Variants in SLC34A3 observed in about 807,000 individuals in gnomAD.
SLC34A3 encodes solute carrier family 34 member 3, also known as sodium-dependent phosphate transport protein 2C.
A neutral mutation model predicts 43.9 loss-of-function variants in SLC34A3; 60 were observed. That is an observed-to-expected ratio of 1.37 (90% CI 1.11 to 1.70). The LOEUF is 1.70. SLC34A3 is among the 40% of genes most tolerant of loss of function. SLC34A3 has a pLI of 0.00. For synonymous variants in SLC34A3, 451 were observed against 386.2 expected, an observed-to-expected ratio of 1.17 and a Z score of -1.97; for missense variants, 969 against 823.8, an observed-to-expected ratio of 1.18 and a Z score of -2.16.
upstream of SLC34A3, among the ~76,000 whole-genome samples, chr9:137,230,585 G>C (rs1191640869): frequency 6.6e-6 from 1 of 152,226 alleles, no homozygotes; most frequent in African/African-American, 2.4e-5. Context: ...CTGCCTGGCT[G>C]GGTGGAGTGT....
chr9:137,232,813 A>G lies in SLC34A3; in HGVS notation c.334A>G (p.Asn112Asp), dbSNP rs763585199. Residue 112 changes from asparagine to aspartate, a missense_variant, in exon 5 of 13, where the codon AAC (asparagine) becomes GAC (aspartate). Asn to Asp is a conservative substitution (Grantham distance 23, BLOSUM62 1). Coordinates refer to ENST00000673835, the MANE Select transcript of SLC34A3 (RefSeq NM_001177316.2). Reference sequence around the variant, plus strand: ...AGTGGCCGGAGACATCTTCAAGGACAACGTGGTGCTGTCCAACCCTGTGGC... The same window carrying G: ...AGTGGCCGGAGACATCTTCAAGGACGACGTGGTGCTGTCCAACCCTGTGGC... ...SKVAGDIFKD[N>D]VVLSNPVAGL... The G allele has an allele frequency of 3.7e-6, 6 of 1,613,124 alleles. No individual in the cohort carries two copies. Among genetic ancestry groups the G allele is most frequent in the Admixed American group, 1.7e-5 (1 of 60,022 alleles).
Position 137,236,011 on chromosome 9 carries a change from T to C in SLC34A3, c.1395T>C (p.Pro465=), listed in dbSNP as rs189834458. The change falls in exon 13 of 13, where the codon CCT becomes CCC. Residue 465 remains proline (P), a synonymous_variant. Coordinates refer to ENST00000673835, the MANE Select transcript of SLC34A3 (RefSeq NM_001177316.2). ...GCATCCTGCTGTGGTACCTGGTGCCTGCACTGCGGCTGCCCATCCCGCTGG... is the reference window on the plus strand; with the variant it reads ...GCATCCTGCTGTGGTACCTGGTGCCCGCACTGCGGCTGCCCATCCCGCTGG... ...LAGILLWYLV[P]ALRLPIPLAR... is the part of the protein sequence containing the mutation. 10 of 1,612,626 alleles carry C rather than the reference T, an allele frequency of 6.2e-6. No individual in the cohort carries two copies. The African/African-American group carries it at 1.1e-4, about 17-fold the overall frequency.
chr9:137,231,107 C>G (rs1564414595), intron 1 of SLC34A3, 169 bp downstream of exon 1: 1 of 157,592 alleles, frequency 6.3e-6, no homozygotes, highest in Non-Finnish European at 1.4e-5. Context: ...TGGACCTGAG[C>G]CCAGGGCACT....
chr9:137,236,355 C>T lies in SLC34A3; in HGVS notation c.1739C>T (p.Ala580Val), dbSNP rs373729595. ...CPCNVCSPPK[A>V]TTKEAYCYEN... ...TGCAACGTCTGCAGCCCCCCGAAGG[C>T]CACCACCAAAGAGGCCTACTGCTAC... The change falls in exon 13 of 13, where the codon GCC becomes GTC. Residue 580 changes from alanine to valine, a missense_variant. Transcript: ENST00000673835. 5.8e-6 allele frequency: 9 copies of T among 1,540,762 alleles called. No individual in the cohort carries two copies. The highest frequency in any genetic ancestry group is 7.8e-6 in the Non-Finnish European group (9 of 1,146,792).
Position 137,234,598 on chromosome 9 carries a change from T to A in SLC34A3, c.1211-9T>A. The A allele has an allele frequency of 6.2e-7, 1 of 1,612,172 alleles. No individual in the cohort carries two copies. Among genetic ancestry groups the A allele is most frequent in the Non-Finnish European group, 8.5e-7 (1 of 1,179,746 alleles). On this transcript the variant is annotated splice_polypyrimidine_tract_variant and intron_variant, in intron 11 of 12. Coordinates refer to ENST00000673835, the MANE Select transcript of SLC34A3 (RefSeq NM_001177316.2). This position sits in a 1 kb window ranked among gnomAD's most constrained non-coding sequence, Gnocchi z 6.9. ...GCTGGGGTCCTGTGGTGACTCCCAG[T>A]TCCCCCAGGGGTCGGGGTGATCAGT...
Position 137,235,811 on chromosome 9 carries a change from C to G in SLC34A3, c.1336-141C>G, listed in dbSNP as rs916807705. ...TCCACATCTGGCCACAGCCCGCCTC[C>G]CAGACGGCCATCTCATCCGTGAAGC... On this transcript the variant is annotated intron_variant, in intron 12 of 12. Coordinates refer to ENST00000673835, the MANE Select transcript of SLC34A3 (RefSeq NM_001177316.2). 24 of 773,160 alleles carry G rather than the reference C, an allele frequency of 3.1e-5. No homozygotes were observed. In the African/African-American group the frequency reaches 3.8e-4, roughly 12 times the overall value. 47.9% of individuals were successfully genotyped at this position (773,160 alleles called of 1,614,324 possible). A position where few individuals can be genotyped will look rare whatever the true frequency, so the allele number is the denominator to read the frequency against.
chr9:137,233,779 T>TTGGGGGCCCCCCCCCC, intron 8 of SLC34A3, 57 bp downstream of exon 8: 3 of 1,445,744 alleles, frequency 2.1e-6, no homozygotes, highest in Non-Finnish European at 1.9e-6. Context: ...TGCTGAGTCA[T>TTGGGGGCCCCCCCCCC]CCCGCCCCAC....
chr9:137,233,779 T>TGGGGGGCCC, intron 8 of SLC34A3, 57 bp downstream of exon 8: 1 of 1,445,812 alleles, frequency 6.9e-7, no homozygotes, highest in Non-Finnish European at 9.6e-7. Context: ...TGCTGAGTCA[T>TGGGGGGCCC]CCCGCCCCAC....
chr9:137,236,113 GC>G lies in SLC34A3; in HGVS notation c.1501del (p.Leu501TrpfsTer66). Reference protein sequence around the residue: ...VYLLLGFLLLPLAAFGLSLAG... With the variant: ...VYLLLGFLLLXLAAFGLSLAG... Reference sequence around the variant, plus strand: ...ACCTGCTGCTCGGATTCCTGCTGCTGCCCCTGGCGGCCTTCGGGCTCTCCCT... The same window carrying G: ...ACCTGCTGCTCGGATTCCTGCTGCTGCCCTGGCGGCCTTCGGGCTCTCCCT... On this transcript the variant is annotated frameshift_variant, in exon 13 of 13. Transcript: ENST00000673835. LOFTEE classifies it low-confidence loss of function (END_TRUNC). The G allele has an allele frequency of 6.2e-7, 1 of 1,611,748 alleles. No homozygotes were observed. Among genetic ancestry groups the G allele is most frequent in the East Asian group, 2.2e-5 (1 of 44,884 alleles).
chr9:137,232,962 G>A, intron 5 of SLC34A3, 35 bp downstream of exon 5: 1 of 1,606,846 alleles, frequency 6.2e-7, no homozygotes, highest in Non-Finnish European at 8.5e-7. Context: ...TGGTGGGGGG[G>A]GCAGGGTGGG....
intron 8 of SLC34A3, 61 bp from the exon 9 acceptor site, chr9:137,233,802 C>T (rs1272144295): frequency 2.7e-5 from 40 of 1,488,146 alleles, no homozygotes; most frequent in East Asian, 4.7e-5. Flanking sequence ...ACCCTCACCT[C>T]GAGCCCTCTG....
intron 8 of SLC34A3, 57 bp downstream of exon 8, chr9:137,233,779 T>TTGGGCCCCCCCCCCCCCC: frequency 3.5e-6 from 5 of 1,445,768 alleles, no homozygotes; most frequent in Non-Finnish European, 3.8e-6. Flanking sequence ...TGCTGAGTCA[T>TTGGGCCCCCCCCCCCCCC]CCCGCCCCAC....
chr9:137,232,926 G>T lies in SLC34A3; in HGVS notation c.447G>T (p.Lys149Asn), dbSNP rs1836321142. ...SSIVVSMVAAKLLTVRVSVPI... is the reference protein window; with the variant it reads ...SSIVVSMVAANLLTVRVSVPI... ...TCGTGGTCAGCATGGTGGCTGCTAA[G>T]CGTGGGTGCACACTCCCTCCCCGGG... Residue 149 changes from lysine (K) to asparagine (N), a missense_variant and splice_region_variant, in exon 5 of 13, where the codon AAG becomes AAT. Lys to Asn is a moderately conservative substitution (Grantham distance 94). Transcript: ENST00000673835. 6.2e-7 allele frequency: 1 copy of T among 1,607,040 alleles called. No homozygotes were observed. The highest frequency in any genetic ancestry group is 1.1e-5 in the South Asian group (1 of 90,268).
chr9:137,231,312 C>A (rs771961917), intron 1 of SLC34A3, among the ~76,000 whole-genome samples: 8 of 152,188 alleles, frequency 5.3e-5, no homozygotes, highest in Non-Finnish European at 8.8e-5. Context: ...TCGGGACCAT[C>A]CACAGTGTCC....
intron 8 of SLC34A3, 57 bp downstream of exon 8, chr9:137,233,779 T>TCACCCC: frequency 4.8e-6 from 7 of 1,445,820 alleles, no homozygotes; most frequent in South Asian, 1.2e-5. Flanking sequence ...TGCTGAGTCA[T>TCACCCC]CCCGCCCCAC....
Position 137,234,005 on chromosome 9 carries a change from G to A in SLC34A3, c.925+64G>A. The A allele has an allele frequency of 2.3e-6, 3 of 1,305,234 alleles. No homozygotes were observed. Among genetic ancestry groups the A allele is most frequent in the East Asian group, 3.4e-5 (1 of 29,828 alleles). 80.9% of individuals were successfully genotyped at this position (1,305,234 alleles called of 1,614,324 possible). Reference sequence around the variant, plus strand: ...CACTCCCCCTCACCGGCCCCTACATGGAGAGGAACAGCACAGCCCCGGCGG... The same window carrying A: ...CACTCCCCCTCACCGGCCCCTACATAGAGAGGAACAGCACAGCCCCGGCGG... On this transcript the variant is annotated intron_variant, in intron 9 of 12. Transcript: ENST00000673835. The surrounding 1 kb of genome is among the most constrained non-coding windows in gnomAD (Gnocchi z 6.9).
chr9:137,236,514 C>A lies in SLC34A3; in HGVS notation c.*98C>A. 1 of 991,952 alleles carries A rather than the reference C, an allele frequency of 1.0e-6. No homozygotes were observed. The highest frequency in any genetic ancestry group is 1.5e-6 in the Non-Finnish European group (1 of 652,702). 61.4% of individuals were successfully genotyped at this position (991,952 alleles called of 1,614,324 possible). ...CCCGCGGCAGCTGACCTCCGGTCAC[C>A]TGCTTCCCCTTCTGTGCAAATAAAC... On this transcript the variant is annotated 3_prime_UTR_variant, in exon 13 of 13. Coordinates refer to ENST00000673835, the MANE Select transcript of SLC34A3 (RefSeq NM_001177316.2).
rs201111236 is a variant in SLC34A3, at chr9:137,233,020, G to A, written c.465G>A (p.Val155=). Residue 155 remains valine (V), a synonymous_variant, in exon 6 of 13, where the codon GTG becomes GTA. Transcript: ENST00000673835. ...MVAAKLLTVR[V]SVPIIMGVNV... is the part of the protein sequence containing the mutation. ...CACCAGCAGTGCTGACTGTCCGGGT[G>A]TCTGTGCCCATCATCATGGGTGTCA... 4 of 1,611,958 alleles carry A rather than the reference G, an allele frequency of 2.5e-6. No individual in the cohort carries two copies. Among genetic ancestry groups the A allele is most frequent in the African/African-American group, 2.7e-5 (2 of 75,010 alleles).
chr9:137,233,523 G>A (rs1564418524), intron 7 of SLC34A3, 110 bp from the exon 8 acceptor site: 1 of 1,552,482 alleles, frequency 6.4e-7, no homozygotes, highest in Non-Finnish European at 8.9e-7. Context: ...TGGGACAGGG[G>A]AGGAGAGGGC....
Sources: gnomAD v4.1 joint callset for allele counts (sites outside exome capture counted in the v4.1 genomes callset) on GRCh38, gnomAD v4.1.1 for gene constraint, Gnocchi (gnomAD v3.1) non-coding constraint, MANE v1.5 for transcripts, NCBI Gene and HGNC (gene_info 2026-07-23, HGNC 2026-07-21) for gene names.